Variants in EPM2A observed in about 807,000 individuals in gnomAD.
EPM2A encodes the protein EPM2A glucan phosphatase, laforin.
Under a neutral mutation model 26.5 loss-of-function variants are expected in EPM2A, and 21 were observed. The observed-to-expected ratio is 0.79, with a 90% CI of 0.56 to 1.14. The LOEUF (loss-of-function observed/expected upper bound fraction) is 1.14. Ranked by LOEUF, EPM2A falls within the 50% of genes most tolerant of loss-of-function variation. The probability of loss-of-function intolerance (pLI) is 0.00; values close to 1 mark genes in which losing one functional copy is unlikely to be tolerated. For missense variants in EPM2A, 458 were observed against 440.8 expected (o/e 1.04, Z -0.35); for synonymous variants, 217 against 177.6 (o/e 1.22, Z -1.76).
chr6:145,714,797 G>A (rs552391452), intron 1 of EPM2A, among the ~76,000 whole-genome samples: 28 of 152,128 alleles, frequency 1.8e-4, no homozygotes, highest in Non-Finnish European at 3.5e-4. Context: ...TCACTATCAC[G>A]AGAACAACAC....
chr6:145,550,620 C>G (rs1780642194), intron 2 of EPM2A, among the ~76,000 whole-genome samples: 1 of 151,992 alleles, frequency 6.6e-6, no homozygotes, highest in African/African-American at 2.4e-5. Flanking sequence ...TGCATGATTA[C>G]TTATACGAAG....
chr6:145,546,982 T>C (rs765452514), intron 2 of EPM2A, among the ~76,000 whole-genome samples: 49 of 152,202 alleles, frequency 3.2e-4, no homozygotes, highest in Non-Finnish European at 4.6e-4. Context: ...AAATAATAAT[T>C]TCTACTTTGC....
At chr6:145,588,883 A>G (rs1299401770) in intron 2 of EPM2A, among the ~76,000 whole-genome samples, 1 of 152,228 alleles carries the variant, frequency 6.6e-6, no homozygotes, top group Non-Finnish European at 1.5e-5. Context: ...GAGCAGGGGA[A>G]CTTTACTATA....
chr6:145,680,541 C>A (rs1780442109), intron 2 of EPM2A, among the ~76,000 whole-genome samples: 1 of 150,562 alleles, frequency 6.6e-6, no homozygotes, highest in African/African-American at 2.5e-5. Flanking sequence ...TCCCTCCCCA[C>A]TCCCCCCACC....
chr6:145,641,431 C>T (rs993242191), intron 2 of EPM2A: 13 of 152,200 alleles, frequency 8.5e-5, no homozygotes, highest in African/African-American at 3.1e-4. Context: ...GGAGTCAACC[C>T]TGTGGACACC....
intron 1 of EPM2A, among the ~76,000 whole-genome samples, chr6:145,725,452 T>C (rs748184262): frequency 5.9e-5 from 9 of 152,048 alleles, no homozygotes; most frequent in Non-Finnish European, 1.3e-4. Context: ...CCCACTGATA[T>C]AAAAATTCAT....
At chr6:145,549,407 T>C (rs1780625163) in intron 2 of EPM2A, among the ~76,000 whole-genome samples, 1 of 152,154 alleles carries the variant, frequency 6.6e-6, no homozygotes, top group African/African-American at 2.4e-5. Flanking sequence ...GGCATTTTAC[T>C]TGCAATGATG....
At chr6:145,463,431 T>A (rs1458089833) in intron 4 of EPM2A, 1 of 152,090 alleles carries the variant, frequency 6.6e-6, no homozygotes, top group Non-Finnish European at 1.5e-5. Flanking sequence ...ATATGTAAGA[T>A]ATATACACAT....
intron 2 of EPM2A, among the ~76,000 whole-genome samples, chr6:145,557,253 T>C (rs79801156): frequency 0.041 from 6,234 of 152,044 alleles, 431 homozygotes; most frequent in African/African-American, 0.14. Flanking sequence ...TGCAAGGAAA[T>C]AGCAAGAAGC....
In EPM2A at chr6:145,542,819, T is replaced by C. The variant is rs527684808; in HGVS notation, c.341-40244A>G. Among the ~76,000 whole-genome samples the C allele has an allele frequency of 6.6e-5, 10 of 152,252 alleles. No homozygotes were observed. In the East Asian group the frequency reaches 1.2e-3, roughly 18 times the overall value. ...TGTTGCCCAGGCTGGAGTACAATGG[T>C]GCAATCTCGGCTCACCGCAACCTCT... On this transcript the variant is annotated intron_variant, in intron 2 of 3. Coordinates refer to the EPM2A transcript ENST00000450221.
At chr6:145,409,363 G>T (rs1001112424) in intron 4 of EPM2A, among the ~76,000 whole-genome samples, 1 of 152,030 alleles carries the variant, frequency 6.6e-6, no homozygotes, top group Non-Finnish European at 1.5e-5. Context: ...CTCCATATAG[G>T]TAGCCATTTT....
chr6:145,431,634 G>C (rs1486135081), intron 4 of EPM2A, among the ~76,000 whole-genome samples: 2 of 152,182 alleles, frequency 1.3e-5, no homozygotes, highest in Admixed American at 6.5e-5. Context: ...GCTTCAGCGA[G>C]TAGTAATCTT....
intron 3 of EPM2A, chr6:145,630,484 A>G (rs547370690): frequency 6.6e-6 from 1 of 151,432 alleles, no homozygotes; most frequent in Non-Finnish European, 1.5e-5. Flanking sequence ...GCATGGTGGT[A>G]TACACCTGTA....
chr6:145,520,089 T>C (rs184831265), intron 2 of EPM2A, among the ~76,000 whole-genome samples: 2 of 152,316 alleles, frequency 1.3e-5, no homozygotes, highest in African/African-American at 2.4e-5. Context: ...ACATCCCCCA[T>C]TGACTCTTTA....
At chr6:145,562,912 G>T (rs1280279) in intron 2 of EPM2A, among the ~76,000 whole-genome samples, 33,496 of 150,410 alleles carry the variant, frequency 0.22, 4,276 homozygotes, top group South Asian at 0.38. Context: ...TGTCTGAGGG[G>T]GTGTGTCTTC....
chr6:145,417,338 A>G lies in EPM2A; in HGVS notation c.556-33241T>C, dbSNP rs148246215. 1.9e-3 allele frequency among the ~76,000 whole-genome samples: 288 copies of G among 152,308 alleles called. 3 individuals are homozygous for G. The East Asian group carries it at 0.024, about 13-fold the overall frequency. ...TTTTGCATTTTGTGCCGCAGAATAC[A>G]GCTCTCAAAACTGCCCGTCTCATAG... On this transcript the variant is annotated intron_variant, in intron 4 of 4. Coordinates refer to the EPM2A transcript ENST00000638717.
chr6:145,472,068 G>C (rs950198778), intron 4 of EPM2A, among the ~76,000 whole-genome samples: 1 of 151,198 alleles, frequency 6.6e-6, no homozygotes, highest in Non-Finnish European at 1.5e-5. Flanking sequence ...TTAGATACCA[G>C]CTCAACTACA....
intron 4 of EPM2A, among the ~76,000 whole-genome samples, chr6:145,398,114 A>G (rs1778430646): frequency 6.6e-6 from 1 of 151,982 alleles, no homozygotes; most frequent in Non-Finnish European, 1.5e-5. Flanking sequence ...TATTTTAGAC[A>G]TTTTGCACCA....
At chr6:145,499,156 T>G (rs779772985), downstream of EPM2A, among the ~76,000 whole-genome samples, 2 of 152,210 alleles carry the variant, frequency 1.3e-5, no homozygotes, top group East Asian at 3.8e-4. Context: ...GAATAAAATG[T>G]ATAATGCTCT....
Sources: gnomAD v4.1 joint callset for allele counts (sites outside exome capture counted in the v4.1 genomes callset) on GRCh38, gnomAD v4.1.1 for gene constraint, MANE v1.5 for transcripts, NCBI Gene and HGNC (gene_info 2026-07-23, HGNC 2026-07-21) for gene names.